SVOP: variants seen among roughly 807,000 people sequenced by gnomAD.
SVOP encodes SV2 related protein.
In SVOP, 17 loss-of-function variants were observed where a neutral mutation model predicts 69.1. The observed-to-expected ratio is 0.25, with a 90% CI of 0.17 to 0.37. The LOEUF is 0.37. SVOP is among the 10% of genes least tolerant of loss of function. The pLI is 1.00. For synonymous variants in SVOP, 238 were observed against 238.6 expected (o/e 1.00, Z 0.02); for missense variants, 435 against 597.5 (o/e 0.73, Z 2.84).
chr12:108,919,106 C>T (rs11114096), intron 13 of SVOP, among the ~76,000 whole-genome samples: 52,962 of 150,174 alleles, frequency 0.35, 9,750 homozygotes, highest in South Asian at 0.57. Flanking sequence ...GGGTCTGTAC[C>T]CCTACCTGCA....
intron 1 of SVOP, among the ~76,000 whole-genome samples, chr12:108,994,927 GC>G (rs2040222837): frequency 6.6e-6 from 1 of 152,096 alleles, no homozygotes; most frequent in African/African-American, 2.4e-5. Context: ...GCTTGATCAA[GC>G]CCAGGAGTTC....
intron 7 of SVOP, among the ~76,000 whole-genome samples, chr12:108,942,207 A>G (rs1048798081): frequency 3.9e-5 from 6 of 152,236 alleles, no homozygotes; most frequent in African/African-American, 1.4e-4. Flanking sequence ...TAATATTCCA[A>G]TGAATGTATA....
At chr12:108,951,801 G>C (rs902717592) in intron 6 of SVOP, among the ~76,000 whole-genome samples, 2 of 152,312 alleles carry the variant, frequency 1.3e-5, no homozygotes, top group South Asian at 4.1e-4. Context: ...AGTTGCAACT[G>C]GTTTGCCAAA....
At chr12:108,913,029 C>T (rs1261851767) in intron 15 of SVOP, among the ~76,000 whole-genome samples, 1 of 152,068 alleles carries the variant, frequency 6.6e-6, no homozygotes, top group Non-Finnish European at 1.5e-5. Context: ...TAAATCTCTT[C>T]TTTATAAATT....
intron 12 of SVOP, among the ~76,000 whole-genome samples, chr12:108,921,823 C>A (rs751844272): frequency 1.3e-5 from 2 of 152,156 alleles, no homozygotes; most frequent in Non-Finnish European, 2.9e-5. Context: ...TCAGTTTCTT[C>A]AGCTGTAAAA....
At chr12:108,972,943 AAG>A (rs2040087410) in intron 4 of SVOP, among the ~76,000 whole-genome samples, 1 of 152,238 alleles carries the variant, frequency 6.6e-6, no homozygotes, top group Non-Finnish European at 1.5e-5. Flanking sequence ...GTGGGAGGCC[AAG>A]TCATTGTTAC....
At chr12:108,930,435 C>CT (rs35584030) in intron 11 of SVOP, among the ~76,000 whole-genome samples, 12 of 117,586 alleles carry the variant, frequency 1.0e-4, no homozygotes, top group African/African-American at 1.4e-4. Context: ...CAGTTGATTG[C>CT]TTTTTTTTTT....
At position 109,020,471 on chromosome 12, in the gene SVOP, G is replaced by A. The variant is rs191595002; in HGVS notation, c.35+363C>T. 2.6e-5 allele frequency among the ~76,000 whole-genome samples: 4 copies of A among 152,296 alleles called. No homozygotes were observed. The East Asian group carries it at 5.8e-4, about 22-fold the overall frequency. The stretch of plus-strand genomic sequence containing the variant: ...CATAGGATTAGGGCTGGAAAGGACC[G>A]ATGTCATTGCATAGACTCACCAATT... On this transcript the variant is annotated intron_variant, in intron 1 of 15. Coordinates refer to ENST00000610966, the MANE Select transcript of SVOP (RefSeq NM_018711.5).
At chr12:108,940,565 A>G (rs1348537887) in intron 8 of SVOP, among the ~76,000 whole-genome samples, 1 of 152,190 alleles carries the variant, frequency 6.6e-6, no homozygotes, top group African/African-American at 2.4e-5. Context: ...ATCCCCAGTT[A>G]TCTCCCCAGA....
chr12:109,003,740 T>C (rs567507324), intron 1 of SVOP, among the ~76,000 whole-genome samples: 1 of 152,320 alleles, frequency 6.6e-6, no homozygotes, highest in East Asian at 1.9e-4. Context: ...CCACAGTAGC[T>C]AGGACTGCAG....
At chr12:108,955,092 A>G (rs1388622165) in intron 6 of SVOP, among the ~76,000 whole-genome samples, 1 of 152,256 alleles carries the variant, frequency 6.6e-6, no homozygotes, top group Non-Finnish European at 1.5e-5. Flanking sequence ...AAGAAGAAAT[A>G]GAAAATGTCA....
intron 1 of SVOP, among the ~76,000 whole-genome samples, chr12:108,991,308 G>C (rs2040198950): frequency 1.3e-5 from 2 of 152,084 alleles, no homozygotes. Context: ...ATTCAAAATA[G>C]GTATTTAAGA....
At chr12:108,956,027 G>A (rs1046529445) in intron 6 of SVOP, among the ~76,000 whole-genome samples, 4 of 152,114 alleles carry the variant, frequency 2.6e-5, no homozygotes, top group Non-Finnish European at 5.9e-5. Flanking sequence ...CTGGCTGGGC[G>A]CAGTGGCTCA....
At chr12:108,934,857 C>T (rs1207869743) in intron 10 of SVOP, among the ~76,000 whole-genome samples, 2 of 152,198 alleles carry the variant, frequency 1.3e-5, no homozygotes, top group African/African-American at 4.8e-5. Flanking sequence ...AGCACATCAC[C>T]AAGAAATAAC....
intron 10 of SVOP, among the ~76,000 whole-genome samples, chr12:108,934,762 T>TA (rs2039846616): frequency 6.6e-6 from 1 of 152,202 alleles, no homozygotes; most frequent in Non-Finnish European, 1.5e-5. Context: ...CCAGTGCCGT[T>TA]ACAGTTTACA....
In SVOP at chr12:109,010,658, C is replaced by T. The variant is rs147485784; in HGVS notation, c.35+10176G>A. ...CCTCCCAAGTAGCTGTGACCACAGGCACCACACCCAGATAATTTTGATTTT... is the reference window on the plus strand; with the variant it reads ...CCTCCCAAGTAGCTGTGACCACAGGTACCACACCCAGATAATTTTGATTTT... On this transcript the variant is annotated intron_variant, in intron 1 of 15. Transcript: ENST00000610966. 7.2e-5 allele frequency among the ~76,000 whole-genome samples: 11 copies of T among 152,142 alleles called. No individual in the cohort carries two copies. The East Asian group carries it at 2.1e-3, about 29-fold the overall frequency.
chr12:108,907,931 T>C lies in SVOP; in HGVS notation c.*4604A>G, dbSNP rs1386413571. 2 of 152,226 alleles carry C rather than the reference T, an allele frequency of 1.3e-5. No homozygotes were observed. The highest frequency in any genetic ancestry group is 6.5e-5 in the Admixed American group (1 of 15,280). The allele number at this position is 152,226 out of a possible 1,614,324, so 9.4% of individuals were successfully genotyped here. ...CTGCAGATTCCAGGCATACCAGCAA[T>C]TGTCTGCACCACCCTGCTAAAGGGC... On this transcript the variant is annotated 3_prime_UTR_variant, in exon 16 of 16. Transcript: ENST00000610966.
At chr12:108,950,126 C>T (rs555699594) in intron 6 of SVOP, among the ~76,000 whole-genome samples, 5 of 152,088 alleles carry the variant, frequency 3.3e-5, no homozygotes, top group Non-Finnish European at 7.4e-5. Context: ...TGTAATGGTG[C>T]AATCATAGCT....
chr12:108,912,621 T>C lies in SVOP; in HGVS notation c.1561A>G (p.Ser521Gly). 1 of 1,613,944 alleles carries C rather than the reference T, an allele frequency of 6.2e-7. No homozygotes were observed. Among genetic ancestry groups the C allele is most frequent in the Non-Finnish European group, 8.5e-7 (1 of 1,179,876 alleles). Residue 521 changes from serine (S) to glycine (G), a missense_variant, in exon 16 of 16, where the codon AGC becomes GGC. By Grantham distance (56) the Ser-to-Gly change is moderately conservative. Coordinates refer to ENST00000610966, the MANE Select transcript of SVOP (RefSeq NM_018711.5). Reference sequence around the variant, plus strand: ...ATCTCCTGGCCCCACTCCCGGTGGCTGGACTCCTGCAGTCCTCGGCCTTTG... The same window carrying C: ...ATCTCCTGGCCCCACTCCCGGTGGCCGGACTCCTGCAGTCCTCGGCCTTTG... ...ETKGRGLQES[S>G]HREWGQEMVG... is the part of the protein sequence containing the mutation.
Sources: allele counts gnomAD v4.1 joint callset (sites outside exome capture counted in the v4.1 genomes callset), GRCh38; gene constraint gnomAD v4.1.1; transcripts MANE v1.5; gene names NCBI Gene and HGNC (gene_info 2026-07-23, HGNC 2026-07-21).